MBP: variants seen among roughly 807,000 people sequenced by gnomAD.
MBP encodes the protein myelin basic protein.
MBP carries 16 observed loss-of-function variants against 35.8 expected under a neutral mutation model. That is an observed-to-expected ratio of 0.45 (90% CI 0.30 to 0.68). The LOEUF is 0.68. MBP is among the 30% of genes least tolerant of loss of function. The pLI, the probability that MBP is intolerant of heterozygous loss-of-function variation, is 0.08. For synonymous variants in MBP, 143 were observed against 159.6 expected (o/e 0.90, Z 0.78); for missense variants, 380 against 404.7 (o/e 0.94, Z 0.52).
In MBP at chr18:77,131,188, G is replaced by C. The variant is rs182327076; in HGVS notation, c.-26+1392C>G. Among the ~76,000 whole-genome samples, 1 of 151,670 alleles carries C rather than the reference G, an allele frequency of 6.6e-6. No homozygotes were observed. The highest frequency in any genetic ancestry group is 2.4e-5 in the African/African-American group (1 of 41,222). ...AGGGCGGCTGGGTTCCAGGCTCTCAGCCGTGACCACAGCCCCGGCCCCAAC... is the reference window on the plus strand; with the variant it reads ...AGGGCGGCTGGGTTCCAGGCTCTCACCCGTGACCACAGCCCCGGCCCCAAC... On this transcript the variant is annotated intron_variant, in intron 1 of 8. Transcript: ENST00000355994. This position sits in a 1 kb window ranked among gnomAD's most constrained non-coding sequence, Gnocchi z 5.5.
At chr18:77,022,537 G>A (rs980539765) in intron 3 of MBP, among the ~76,000 whole-genome samples, 1 of 107,414 alleles carries the variant, frequency 9.3e-6, no homozygotes, top group African/African-American at 3.2e-5. Flanking sequence ...CAAAGCTGCA[G>A]TTTTTGCAGG....
chr18:77,078,814 C>T (rs1974767468), intron 2 of MBP, among the ~76,000 whole-genome samples: 1 of 152,236 alleles, frequency 6.6e-6, no homozygotes, highest in South Asian at 2.1e-4. Flanking sequence ...GGGTGGACTC[C>T]ACCAATGAGG....
In MBP at chr18:77,067,304, T is replaced by G. The variant is rs575766469; in HGVS notation, c.52-919A>C. ...CCTTCAGACAATGACACATGGGTAT[T>G]CTTTTCCCTCCTTTCTGTCTTCACA... On this transcript the variant is annotated intron_variant, in intron 2 of 8. Coordinates refer to ENST00000355994, the MANE Select transcript of MBP (RefSeq NM_001025101.2). Among the ~76,000 whole-genome samples, 25 of 152,296 alleles carry G rather than the reference T, an allele frequency of 1.6e-4. No individual in the cohort carries two copies. In the East Asian group the frequency reaches 4.4e-3, roughly 27 times the overall value.
Position 76,988,786 on chromosome 18 carries a change from C to T in MBP, c.717+91G>A, listed in dbSNP as rs1403315906. 4.0e-5 allele frequency: 59 copies of T among 1,460,146 alleles called. No homozygotes were observed. The highest frequency in any genetic ancestry group is 3.8e-4 in the South Asian group (30 of 79,046). The allele number at this position is 1,460,146 out of a possible 1,614,324, so 90.4% of individuals were successfully genotyped here. On this transcript the variant is annotated intron_variant, in intron 6 of 8. Transcript: ENST00000355994. The surrounding 1 kb of genome is among the most constrained non-coding windows in gnomAD (Gnocchi z 5.2). Reference sequence around the variant, plus strand: ...CGTTTTGGGATGGATTCTGGTAGCTCGGAGCCTAACTCTCTCTTTGGTACA... The same window carrying T: ...CGTTTTGGGATGGATTCTGGTAGCTTGGAGCCTAACTCTCTCTTTGGTACA...
intron 3 of MBP, chr18:77,065,963 T>A: frequency 4.1e-6 from 1 of 241,562 alleles, no homozygotes. Context: ...GCCCAAGTGA[T>A]CCTCTCACTT....
intron 4 of MBP, among the ~76,000 whole-genome samples, chr18:77,000,096 G>A (rs1430760145): frequency 6.6e-6 from 1 of 152,104 alleles, no homozygotes; most frequent in African/African-American, 2.4e-5. Flanking sequence ...CTAATTTGGA[G>A]CTGAATACCT....
intron 1 of MBP, among the ~76,000 whole-genome samples, chr18:77,117,657 GGTTATTTCCTA>G (rs1410721737): frequency 3.3e-5 from 5 of 151,036 alleles, no homozygotes; most frequent in Non-Finnish European, 7.4e-5. Flanking sequence ...TCTGTGGATG[GGTTATTTCCTA>G]GTTGACCCTG....
Position 76,988,230 on chromosome 18 carries a change from G to T in MBP, c.750+265C>A. The T allele has an allele frequency of 6.5e-7, 1 of 1,549,640 alleles. No individual in the cohort carries two copies. ...GGAGGGAGACCAGTCACGTCGCCTG[G>T]GAACCCTCTGGGAGAAGAGGATCTG... On this transcript the variant is annotated intron_variant, in intron 7 of 8. Transcript: ENST00000355994. This position sits in a 1 kb window ranked among gnomAD's most constrained non-coding sequence, Gnocchi z 5.2.
chr18:77,040,777 A>G (rs950297066), intron 3 of MBP, among the ~76,000 whole-genome samples: 24 of 152,362 alleles, frequency 1.6e-4, no homozygotes, highest in South Asian at 2.1e-4. Context: ...TACAAAAATT[A>G]ATTCAAGATG....
intron 1 of MBP, among the ~76,000 whole-genome samples, chr18:77,121,002 T>C (rs1267339660): frequency 6.6e-6 from 1 of 152,186 alleles, no homozygotes; most frequent in Non-Finnish European, 1.5e-5. Context: ...TTAATGTACC[T>C]CCCATTAAAA....
chr18:77,031,085 A>T (rs1568303029), intron 3 of MBP, among the ~76,000 whole-genome samples: 2 of 152,220 alleles, frequency 1.3e-5, no homozygotes, highest in Non-Finnish European at 2.9e-5. Context: ...AAAAAAAAAA[A>T]ATCCTATTTT....
At chr18:77,023,949 C>T (rs187834778) in intron 3 of MBP, among the ~76,000 whole-genome samples, 2 of 152,334 alleles carry the variant, frequency 1.3e-5, no homozygotes, top group Non-Finnish European at 2.9e-5. Context: ...GGTGTGGGGC[C>T]TCCACAGATG....
At chr18:77,077,676 GC>G (rs1334687547) in intron 2 of MBP, among the ~76,000 whole-genome samples, 4 of 152,204 alleles carry the variant, frequency 2.6e-5, no homozygotes, top group African/African-American at 9.7e-5. Context: ...GGCCTGCAGA[GC>G]TGTCCTGCAC....
chr18:77,096,300 A>G (rs1440200727), intron 2 of MBP, among the ~76,000 whole-genome samples: 1 of 152,242 alleles, frequency 6.6e-6, no homozygotes, highest in Non-Finnish European at 1.5e-5. Flanking sequence ...CATTTCTCAG[A>G]ATGTCATTTT....
chr18:77,061,978 A>G (rs2144774459), intron 3 of MBP, among the ~76,000 whole-genome samples: 2 of 152,342 alleles, frequency 1.3e-5, no homozygotes, highest in Middle Eastern at 6.8e-3. Context: ...AAGTGGACGC[A>G]GTGAACACAG....
intron 2 of MBP, among the ~76,000 whole-genome samples, chr18:77,085,790 T>A (rs112180326): frequency 6.7e-6 from 1 of 149,188 alleles, no homozygotes; most frequent in African/African-American, 2.5e-5. Flanking sequence ...TTTCAAGCAA[T>A]TCTCCTGCCT....
chr18:77,097,892 GC>G (rs1975826421), intron 2 of MBP, among the ~76,000 whole-genome samples: 1 of 148,598 alleles, frequency 6.7e-6, no homozygotes, highest in Admixed American at 6.8e-5. Context: ...TGCAGCAGGT[GC>G]CCCAAATCAA....
intron 4 of MBP, among the ~76,000 whole-genome samples, chr18:77,001,564 T>C (rs145468310): frequency 6.6e-6 from 1 of 152,140 alleles, no homozygotes; most frequent in African/African-American, 2.4e-5. Context: ...AAAATGCCCG[T>C]AAGAGGCCAG....
At chr18:77,068,385 G>C (rs900173646) in intron 2 of MBP, among the ~76,000 whole-genome samples, 1 of 150,928 alleles carries the variant, frequency 6.6e-6, no homozygotes. Context: ...AAGCAGGCCA[G>C]GTTTAGCCCA....
Sources: allele counts gnomAD v4.1 joint callset (sites outside exome capture counted in the v4.1 genomes callset), GRCh38; gene constraint gnomAD v4.1.1; non-coding constraint Gnocchi (gnomAD v3.1); transcripts MANE v1.5; gene names NCBI Gene and HGNC (gene_info 2026-07-23, HGNC 2026-07-21).